CES2: variants seen among roughly 807,000 people sequenced by gnomAD.
The protein encoded by CES2 is cocaine esterase.
In CES2, 42 loss-of-function variants were observed where a neutral mutation model predicts 52.1. The ratio of observed to expected loss-of-function variants is 0.81; its 90% confidence interval spans 0.63 to 1.04. The LOEUF (loss-of-function observed/expected upper bound fraction) is 1.04. Ranked by LOEUF, CES2 falls within the 50% of genes least tolerant of loss-of-function variation. CES2 has a pLI of 0.00. For synonymous variants in CES2, 277 were observed against 289.6 expected (o/e 0.96, Z 0.44); for missense variants, 656 against 724.3 (o/e 0.91, Z 1.08).
At position 66,940,331 on chromosome 16, in the gene CES2, G is replaced by A. The variant is rs565364625; in HGVS notation, c.533G>A (p.Arg178His). 1.7e-5 allele frequency: 27 copies of A among 1,614,140 alleles called. No homozygotes were observed. Among genetic ancestry groups the A allele is most frequent in the South Asian group, 2.2e-5 (2 of 91,080 alleles). Residue 178 changes from arginine (R) to histidine (H), a missense_variant, in exon 4 of 12, where the codon CGC becomes CAC. Physicochemically the swap from Arg to His is conservative, Grantham distance 29. Coordinates refer to ENST00000317091, the MANE Select transcript of CES2 (RefSeq NM_001365405.1). Reference protein sequence around the residue: ...ENVVVVIIQYRLGVLGFFSTG... With the variant: ...ENVVVVIIQYHLGVLGFFSTG... ...GTGGTGGTGGTCATCATCCAGTACCGCCTGGGTGTCCTGGGCTTCTTCAGG... is the reference window on the plus strand; with the variant it reads ...GTGGTGGTGGTCATCATCCAGTACCACCTGGGTGTCCTGGGCTTCTTCAGG...
intron 1 of CES2, chr16:66,935,961 G>A: frequency 7.1e-7 from 1 of 1,410,730 alleles, no homozygotes; most frequent in Non-Finnish European, 9.2e-7. Flanking sequence ...AGGAGCGCCG[G>A]GACATGCCAG....
At chr16:66,940,394 G>A (rs201696544) in intron 4 of CES2, 39 bp downstream of exon 4, 231 of 1,613,942 alleles carry the variant, frequency 1.4e-4, no homozygotes, top group Admixed American at 2.3e-4. Context: ...GGGCTGAGCG[G>A]GGCCAGGACA....
At chr16:66,940,107 G>A (rs1963318137) in intron 3 of CES2, 115 bp from the exon 4 acceptor site, 2 of 1,416,696 alleles carry the variant, frequency 1.4e-6, no homozygotes, top group South Asian at 1.4e-5. Context: ...ATGAATTTGT[G>A]CTGGAGATCT....
In CES2 at chr16:66,935,656, T is replaced by C. The variant is rs1339208162; in HGVS notation, c.21T>C (p.Arg7=). The change falls in exon 1 of 12, where the codon CGT becomes CGC. Residue 7 remains arginine (R), a synonymous_variant. Coordinates refer to ENST00000317091, the MANE Select transcript of CES2 (RefSeq NM_001365405.1). ...CGACCATGCGGCTGCACAGACTTCG[T>C]GCGCGGCTGAGCGCGGTGGCCTGTG... MRLHRL[R]ARLSAVACGL... 5.0e-6 allele frequency: 8 copies of C among 1,604,242 alleles called. No individual in the cohort carries two copies. The highest frequency in any genetic ancestry group is 2.7e-5 in the African/African-American group (2 of 74,872).
In CES2 at chr16:66,942,766, T is replaced by C; in HGVS notation, c.1401T>C (p.Ser467=). The C allele has an allele frequency of 6.2e-7, 1 of 1,614,134 alleles. No homozygotes were observed. Among genetic ancestry groups the C allele is most frequent in the East Asian group, 2.2e-5 (1 of 44,862 alleles). The change falls in exon 10 of 12, where the codon AGT becomes AGC. Residue 467 remains serine (S), a synonymous_variant. Coordinates refer to ENST00000317091, the MANE Select transcript of CES2 (RefSeq NM_001365405.1). ...HGDELPFVFR[S]FFGGNYIKFT... ...ATGAGCTTCCTTTTGTTTTCAGAAG[T>C]TTCTTTGGGGGCAACTACAGTGAGT...
At position 66,943,529 on chromosome 16, in the gene CES2, G is replaced by A; in HGVS notation, c.1493+158G>A. The stretch of plus-strand genomic sequence containing the variant: ...GGACCCACTCAGACAGGGTGGGGGT[G>A]CGTGGGGCAGTGGACACGCTCTATC... On this transcript the variant is annotated intron_variant, in intron 11 of 11. Coordinates refer to ENST00000317091, the MANE Select transcript of CES2 (RefSeq NM_001365405.1). The surrounding 1 kb of genome is among the most constrained non-coding windows in gnomAD (Gnocchi z 4.2). 1.4e-6 allele frequency: 1 copy of A among 737,432 alleles called. No homozygotes were observed. 45.7% of individuals were successfully genotyped at this position (737,432 alleles called of 1,614,324 possible).
rs564613600 is a variant in CES2, at chr16:66,943,648, C to T, written c.1494-191C>T. On this transcript the variant is annotated intron_variant, in intron 11 of 11. Coordinates refer to ENST00000317091, the MANE Select transcript of CES2 (RefSeq NM_001365405.1). The surrounding 1 kb of genome is among the most constrained non-coding windows in gnomAD (Gnocchi z 4.2). Reference sequence around the variant, plus strand: ...GACACAACAGAGCTGGCTGCCCTCCCCCAACCCCCACTGGTGCTGACACTA... The same window carrying T: ...GACACAACAGAGCTGGCTGCCCTCCTCCAACCCCCACTGGTGCTGACACTA... 4.4e-5 allele frequency: 26 copies of T among 585,212 alleles called. No individual in the cohort carries two copies. In the East Asian group the frequency reaches 7.2e-4, roughly 16 times the overall value. 36.3% of individuals were successfully genotyped at this position (585,212 alleles called of 1,614,324 possible).
At chr16:66,935,497 G>T (rs1291995290), upstream of CES2, 1 of 1,613,962 alleles carries the variant, frequency 6.2e-7, no homozygotes, top group African/African-American at 1.3e-5. Flanking sequence ...GCCCAAGCCA[G>T]CGCACCCCGC....
chr16:66,934,636 C>A (rs1464154075), upstream of CES2: 14 of 501,978 alleles, frequency 2.8e-5, no homozygotes, highest in South Asian at 4.0e-4. The surrounding 1 kb of genome is among the most constrained non-coding windows in gnomAD (Gnocchi z 4.1). Context: ...AACGTAGAGG[C>A]CAGAACCAGG....
At position 66,941,909 on chromosome 16, in the gene CES2, G is replaced by A. The variant is rs1320046484; in HGVS notation, c.1137+61G>A. On this transcript the variant is annotated intron_variant, in intron 8 of 11. Coordinates refer to ENST00000317091, the MANE Select transcript of CES2 (RefSeq NM_001365405.1). ...GCTCCTCTCCTGTCCTGAGACAGAG[G>A]AAATTCAACCCCCAGATACCCTTCC... 13 of 1,608,780 alleles carry A rather than the reference G, an allele frequency of 8.1e-6. No homozygotes were observed. In the South Asian group the frequency reaches 1.2e-4, roughly 15 times the overall value.
At position 66,938,060 on chromosome 16, in the gene CES2, C is replaced by A; in HGVS notation, c.100C>A (p.Arg34=). ...AGGCCAGGACTCAGCCAGTCCCATC[C>A]GGACCACACACACGGGGCAGGTGCT... is the stretch of plus-strand genomic sequence containing the variant. ...GQGQDSASPI[R]TTHTGQVLGS... Residue 34 remains arginine, a synonymous_variant, in exon 2 of 12, where the codon CGG becomes AGG. Transcript: ENST00000317091. 1 of 1,614,180 alleles carries A rather than the reference C, an allele frequency of 6.2e-7. No homozygotes were observed. Among genetic ancestry groups the A allele is most frequent in the African/African-American group, 1.3e-5 (1 of 75,044 alleles).
chr16:66,943,371 G>A lies in CES2; in HGVS notation c.1493G>A (p.Gly498Glu). The A allele has an allele frequency of 6.2e-7, 1 of 1,614,114 alleles. No homozygotes were observed. The highest frequency in any genetic ancestry group is 8.5e-7 in the Non-Finnish European group (1 of 1,179,996). The change falls in exon 11 of 12, where the codon GGG becomes GAG. Residue 498 changes from glycine (G) to glutamate (E), a missense_variant and splice_region_variant. By Grantham distance (98) the Gly-to-Glu change is moderately conservative. Coordinates refer to ENST00000317091, the MANE Select transcript of CES2 (RefSeq NM_001365405.1). This position sits in a 1 kb window ranked among gnomAD's most constrained non-coding sequence, Gnocchi z 4.2. ...MKYWANFARN[G>E]NPNGEGLPHW... ...TACTGGGCCAACTTTGCGAGAAATGGGTGAGACAGCACACCCCTGCCTCAA... is the reference window on the plus strand; with the variant it reads ...TACTGGGCCAACTTTGCGAGAAATGAGTGAGACAGCACACCCCTGCCTCAA...
intron 9 of CES2, 119 bp from the exon 10 acceptor site, chr16:66,942,529 C>A: frequency 8.8e-7 from 1 of 1,135,280 alleles, no homozygotes; most frequent in Non-Finnish European, 1.3e-6. Context: ...CAGCCTGGGG[C>A]TCCACACCCC....
At chr16:66,934,695 T>C (rs1339108479), upstream of CES2, 1 of 278,406 alleles carries the variant, frequency 3.6e-6, no homozygotes, top group Non-Finnish European at 6.8e-6. This position sits in a 1 kb window ranked among gnomAD's most constrained non-coding sequence, Gnocchi z 4.1. Flanking sequence ...CACCGCTTCC[T>C]CCTGGAAGTC....
chr16:66,940,470 C>T lies in CES2; in HGVS notation c.591C>T (p.Gly197=). Residue 197 remains glycine, a synonymous_variant, in exon 5 of 12, where the codon GGC becomes GGT. Coordinates refer to ENST00000317091, the MANE Select transcript of CES2 (RefSeq NM_001365405.1). ...TGDKHATGNW[G]YLDQVAALRW... is the part of the protein sequence containing the mutation. ...ACAAGCACGCAACCGGCAACTGGGGCTACCTGGACCAAGTGGCTGCACTAC... is the reference window on the plus strand; with the variant it reads ...ACAAGCACGCAACCGGCAACTGGGGTTACCTGGACCAAGTGGCTGCACTAC... The T allele has an allele frequency of 6.2e-7, 1 of 1,614,246 alleles. No homozygotes were observed. The highest frequency in any genetic ancestry group is 8.5e-7 in the Non-Finnish European group (1 of 1,180,044).
rs1555523759 is a variant in CES2 at position 66,944,323 on chromosome 16, A to AG, written c.*298_*299insG. The AG allele has an allele frequency of 3.3e-3, 582 of 174,030 alleles. 7 individuals are homozygous for AG. Among genetic ancestry groups the AG allele is most frequent in the African/African-American group, 0.03 (434 of 14,274 alleles). 10.8% of individuals were successfully genotyped at this position (174,030 alleles called of 1,614,324 possible). On this transcript the variant is annotated 3_prime_UTR_variant, in exon 12 of 12. Transcript: ENST00000317091. ...CCCCTTCTCAAAAAAAAAAAAAAAA[A>AG]AGAGAGAGTGTGTGATTAGAAGCTA...
Position 66,944,050 on chromosome 16 carries a change from T to A in CES2, c.*25T>A. 9.7e-7 allele frequency: 1 copy of A among 1,036,080 alleles called. No individual in the cohort carries two copies. Among genetic ancestry groups the A allele is most frequent in the Non-Finnish European group, 1.4e-6 (1 of 715,442 alleles). 64.2% of individuals were successfully genotyped at this position (1,036,080 alleles called of 1,614,324 possible). On this transcript the variant is annotated 3_prime_UTR_variant, in exon 12 of 12. Transcript: ENST00000317091. ...GCTCCCTGTGCCGGGGAGGAGGGGG[T>A]GGGTTCGCTGACAGGCGAGGGTCAG...
rs1032482773 is a variant in CES2, at chr16:66,943,518, A to T, written c.1493+147A>T. The T allele has an allele frequency of 2.5e-6, 2 of 815,178 alleles. No homozygotes were observed. Among genetic ancestry groups the T allele is most frequent in the Non-Finnish European group, 3.9e-6 (2 of 506,912 alleles). The allele number at this position is 815,178 out of a possible 1,614,324, so 50.5% of individuals were successfully genotyped here. On this transcript the variant is annotated intron_variant, in intron 11 of 11. Coordinates refer to ENST00000317091, the MANE Select transcript of CES2 (RefSeq NM_001365405.1). The surrounding 1 kb of genome is among the most constrained non-coding windows in gnomAD (Gnocchi z 4.2). ...CCCCAGCTCCGGGACCCACTCAGACAGGGTGGGGGTGCGTGGGGCAGTGGA... is the reference window on the plus strand; with the variant it reads ...CCCCAGCTCCGGGACCCACTCAGACTGGGTGGGGGTGCGTGGGGCAGTGGA...
chr16:66,936,726 C>T (rs887896130), intron 1 of CES2, among the ~76,000 whole-genome samples: 1 of 152,114 alleles, frequency 6.6e-6, no homozygotes, highest in African/African-American at 2.4e-5. Context: ...TCTGTCTCTT[C>T]CAACCCTTCC....
Sources: allele counts gnomAD v4.1 joint callset (sites outside exome capture counted in the v4.1 genomes callset), GRCh38; gene constraint gnomAD v4.1.1; non-coding constraint Gnocchi (gnomAD v3.1); transcripts MANE v1.5; gene names NCBI Gene and HGNC (gene_info 2026-07-23, HGNC 2026-07-21).